Variants in ZFAND4 observed in about 807,000 individuals in gnomAD.
ZFAND4 encodes AN1-type zinc finger protein 4.
ZFAND4 carries 43 observed loss-of-function variants against 64.4 expected under a neutral mutation model. The observed-to-expected ratio is 0.67, with a 90% confidence interval of 0.52 to 0.86. ZFAND4 has a LOEUF of 0.86. Among genes scored for constraint, ZFAND4 ranks in the 40% least tolerant of loss-of-function variants. The pLI, the probability that ZFAND4 is intolerant of heterozygous loss-of-function variation, is 0.00. For synonymous variants in ZFAND4, 296 were observed against 305.7 expected, an observed-to-expected ratio of 0.97 and a Z score of 0.33; for missense variants, 929 against 859.8, an observed-to-expected ratio of 1.08 and a Z score of -1.01.
chr10:45,625,521 C>G lies in ZFAND4; in HGVS notation c.1872+430G>C, dbSNP rs188115290. 1.2e-3 allele frequency among the ~76,000 whole-genome samples: 174 copies of G among 145,458 alleles called. 2 individuals carry two copies. In the Middle Eastern group the frequency reaches 0.018, roughly 15 times the overall value. On this transcript the variant is annotated intron_variant, in intron 7 of 9. Coordinates refer to ENST00000344646, the MANE Select transcript of ZFAND4 (RefSeq NM_174890.4). Reference sequence around the variant, plus strand: ...GGAGAGAGAGAGTGAAATTTGATGACTCAAATAAAAAGTTCTTACTTGGGA... The same window carrying G: ...GGAGAGAGAGAGTGAAATTTGATGAGTCAAATAAAAAGTTCTTACTTGGGA...
intron 5 of ZFAND4, among the ~76,000 whole-genome samples, chr10:45,647,975 G>A (rs1180004594): frequency 6.6e-6 from 1 of 152,154 alleles, no homozygotes; most frequent in Non-Finnish European, 1.5e-5. Context: ...CTGCCTTTAA[G>A]GAGCAGAGTT....
intron 1 of ZFAND4, among the ~76,000 whole-genome samples, chr10:45,665,960 A>G (rs561826854): frequency 6.6e-6 from 1 of 152,360 alleles, no homozygotes; most frequent in South Asian, 2.1e-4. Flanking sequence ...TTGTTTATCC[A>G]TCCATCAGTT....
chr10:45,623,449 G>A (rs920946014), intron 8 of ZFAND4, among the ~76,000 whole-genome samples: 5 of 152,002 alleles, frequency 3.3e-5, no homozygotes, highest in Non-Finnish European at 7.4e-5. Flanking sequence ...ACACACACAC[G>A]CACAATACAG....
intron 5 of ZFAND4, among the ~76,000 whole-genome samples, chr10:45,643,188 G>C (rs943531030): frequency 1.3e-5 from 2 of 150,952 alleles, no homozygotes; most frequent in Non-Finnish European, 3.0e-5. Flanking sequence ...CCAAAGTGCT[G>C]GGATTACAGG....
chr10:45,639,986 T>C, intron 5 of ZFAND4, 23 bp from the exon 6 acceptor site: 1 of 1,589,270 alleles, frequency 6.3e-7, no homozygotes. Flanking sequence ...CAATAACTAC[T>C]TGAAATTTTT....
intron 9 of ZFAND4, 42 bp from the exon 10 acceptor site, chr10:45,616,613 T>C (rs751083984): frequency 2.0e-5 from 32 of 1,609,956 alleles, no homozygotes; most frequent in Non-Finnish European, 2.7e-5. Context: ...TGTATTTCTA[T>C]GAAAGGCTCA....
chr10:45,647,025 A>C (rs1459079387), intron 5 of ZFAND4, among the ~76,000 whole-genome samples: 2 of 152,290 alleles, frequency 1.3e-5, no homozygotes, highest in Non-Finnish European at 2.9e-5. Context: ...AGCCTAGGGG[A>C]ATCTCTCTGA....
At position 45,626,941 on chromosome 10, in the gene ZFAND4, A is replaced by G; in HGVS notation, c.882T>C (p.Asn294=). 1 of 1,614,218 alleles carries G rather than the reference A, an allele frequency of 6.2e-7. No individual in the cohort carries two copies. The highest frequency in any genetic ancestry group is 8.5e-7 in the Non-Finnish European group (1 of 1,180,036). Reference sequence around the variant, plus strand: ...GTTGAGTTGCCAAACTTGAAATTCCATTCCTGGAGATTTCGGGCGGATATG... The same window carrying G: ...GTTGAGTTGCCAAACTTGAAATTCCGTTCCTGGAGATTTCGGGCGGATATG... ...GNAYPPEISR[N]GISSLATQLS... is the part of the protein sequence containing the mutation. Residue 294 remains asparagine (N), a synonymous_variant, in exon 7 of 10, where the codon AAT becomes AAC. Transcript: ENST00000344646.
intron 5 of ZFAND4, among the ~76,000 whole-genome samples, chr10:45,642,807 T>C (rs1400791325): frequency 6.6e-6 from 1 of 151,642 alleles, no homozygotes; most frequent in East Asian, 1.9e-4. Context: ...AACATACTAA[T>C]TTATAAATTT....
intron 1 of ZFAND4, among the ~76,000 whole-genome samples, chr10:45,667,841 G>A (rs1324828209): frequency 6.6e-6 from 1 of 152,142 alleles, no homozygotes; most frequent in Non-Finnish European, 1.5e-5. Flanking sequence ...GGTGAGACTG[G>A]ACATCCTTGT....
chr10:45,617,005 G>A (rs2045019526), intron 9 of ZFAND4, among the ~76,000 whole-genome samples: 1 of 151,774 alleles, frequency 6.6e-6, no homozygotes, highest in African/African-American at 2.4e-5. Context: ...TTGAACCCAG[G>A]AGGTGGAGGT....
In ZFAND4 at chr10:45,616,483, G is replaced by T; in HGVS notation, c.2137C>A (p.His713Asn). The T allele has an allele frequency of 6.2e-7, 1 of 1,614,212 alleles. No homozygotes were observed. Among genetic ancestry groups the T allele is most frequent in the Non-Finnish European group, 8.5e-7 (1 of 1,180,036 alleles). Residue 713 changes from histidine (H) to asparagine (N), a missense_variant, in exon 10 of 10, where the codon CAC becomes AAC. Transcript: ENST00000344646. The part of the protein sequence containing the change: ...DYKSAGRRYL[H>N]EANPVVNAPK... ...GCATTAACCACAGGATTTGCCTCGT[G>T]CAAGTATCTCCTCCCTGCACTCTTG...
At chr10:45,631,381 A>G (rs184467706) in intron 6 of ZFAND4, among the ~76,000 whole-genome samples, 2 of 150,656 alleles carry the variant, frequency 1.3e-5, no homozygotes, top group Non-Finnish European at 2.9e-5. Context: ...AAAAAAAAAA[A>G]ACATATAAAT....
intron 5 of ZFAND4, among the ~76,000 whole-genome samples, chr10:45,643,567 G>A (rs997034831): frequency 2.0e-5 from 3 of 151,582 alleles, no homozygotes; most frequent in Non-Finnish European, 2.9e-5. Flanking sequence ...CTACTTGGGA[G>A]GCTGAGGCAA....
At chr10:45,641,712 T>C (rs1340701468) in intron 5 of ZFAND4, among the ~76,000 whole-genome samples, 2 of 152,210 alleles carry the variant, frequency 1.3e-5, no homozygotes, top group Admixed American at 6.5e-5. Context: ...GAAGTAATAA[T>C]ATTGCCTGCC....
In ZFAND4 at chr10:45,626,254, A is replaced by G; in HGVS notation, c.1569T>C (p.Thr523=). The G allele has an allele frequency of 1.2e-6, 2 of 1,614,206 alleles. No individual in the cohort carries two copies. The highest frequency in any genetic ancestry group is 1.7e-6 in the Non-Finnish European group (2 of 1,180,028). ...CAACTTTAACACCTTGAAAGCAAGT[A>G]GTCCTAGAGAAAGAAGAATCAGTTA... is the stretch of plus-strand genomic sequence containing the variant. ...QNITDSSFSR[T]TCFQGVKVDS... Residue 523 remains threonine (T), a synonymous_variant, in exon 7 of 10, where the codon ACT becomes ACC. Transcript: ENST00000344646.
At chr10:45,624,688 A>C in intron 7 of ZFAND4, 51 bp from the exon 8 acceptor site, 1 of 1,433,378 alleles carries the variant, frequency 7.0e-7, no homozygotes, top group Non-Finnish European at 9.7e-7. Context: ...GAAGAATAGA[A>C]ATGATCAACA....
At chr10:45,670,998 C>A (rs972775577) in intron 1 of ZFAND4, among the ~76,000 whole-genome samples, 11 of 152,052 alleles carry the variant, frequency 7.2e-5, no homozygotes, top group Non-Finnish European at 1.2e-4. Context: ...AAAAAAACAA[C>A]CGCATCAAAA....
Position 45,626,468 on chromosome 10 carries a change from T to G in ZFAND4, c.1355A>C (p.Glu452Ala). ...GTTAAGAACTGAAGTCTCTACTGAT[T>G]CCCCATTCAGCACTCCTGCAACATG... is the stretch of plus-strand genomic sequence containing the variant. ...LKHVAGVLNGESVETSVLNYR... is the reference protein window; with the variant it reads ...LKHVAGVLNGASVETSVLNYR... The change falls in exon 7 of 10, where the codon GAA becomes GCA. Residue 452 changes from glutamate to alanine, a missense_variant. By Grantham distance (107) the Glu-to-Ala change is moderately radical. Transcript: ENST00000344646. 1 of 1,613,702 alleles carries G rather than the reference T, an allele frequency of 6.2e-7. No homozygotes were observed. The highest frequency in any genetic ancestry group is 2.2e-5 in the East Asian group (1 of 44,878).
Sources: allele counts gnomAD v4.1 joint callset (sites outside exome capture counted in the v4.1 genomes callset), GRCh38; gene constraint gnomAD v4.1.1; transcripts MANE v1.5; gene names NCBI Gene and HGNC (gene_info 2026-07-23, HGNC 2026-07-21).